The following CADM1 variants were observed in gnomAD, a reference collection of about 807,000 sequenced individuals.
The protein encoded by CADM1 is cell adhesion molecule 1, also known as TSLC-1.
CADM1 carries 15 observed loss-of-function variants against 53.1 expected under a neutral mutation model. The observed-to-expected ratio is 0.28, with a 90% confidence interval of 0.19 to 0.44. CADM1 has a LOEUF of 0.44. CADM1 is among the 20% of genes least tolerant of loss of function. The probability of loss-of-function intolerance (pLI) is 1.00; values close to 1 mark genes in which losing one functional copy is unlikely to be tolerated. For missense variants in CADM1, 434 were observed against 611.3 expected (o/e 0.71, Z 3.06); for synonymous variants, 281 against 243.0 (o/e 1.16, Z -1.45).
At chr11:115,191,314 C>T (rs1454232278) in intron 9 of CADM1, among the ~76,000 whole-genome samples, 2 of 152,248 alleles carry the variant, frequency 1.3e-5, no homozygotes, top group East Asian at 1.9e-4. Flanking sequence ...GATGTATGTA[C>T]ATTTTATTTC....
intron 1 of CADM1, among the ~76,000 whole-genome samples, chr11:115,297,640 C>T (rs1205154440): frequency 6.6e-6 from 1 of 152,198 alleles, no homozygotes; most frequent in Non-Finnish European, 1.5e-5. Context: ...AATATTTCAG[C>T]ATCCATTACT....
intron 1 of CADM1, among the ~76,000 whole-genome samples, chr11:115,382,309 CG>C (rs1292865029): frequency 6.6e-6 from 1 of 151,516 alleles, no homozygotes; most frequent in African/African-American, 2.4e-5. Context: ...TATAAAGATC[CG>C]GGGTAAGTCA....
At chr11:115,409,772 A>C (rs1361270286) in intron 1 of CADM1, among the ~76,000 whole-genome samples, 1 of 152,080 alleles carries the variant, frequency 6.6e-6, no homozygotes, top group Admixed American at 6.6e-5. Flanking sequence ...CTGCTCCCAG[A>C]TATATAGCAT....
intron 1 of CADM1, among the ~76,000 whole-genome samples, chr11:115,338,435 G>T (rs1207286458): frequency 6.6e-6 from 1 of 152,104 alleles, no homozygotes. Flanking sequence ...AAATTTTAGA[G>T]AAACTACCAT....
At chr11:115,256,829 T>C in intron 1 of CADM1, 1 of 456,110 alleles carries the variant, frequency 2.2e-6, no homozygotes, top group South Asian at 1.5e-5. Flanking sequence ...TAGCTGTTCT[T>C]ACCACTGGTA....
intron 10 of CADM1, chr11:115,190,489 G>T (rs1939793143): frequency 5.9e-6 from 1 of 169,418 alleles, no homozygotes; most frequent in Non-Finnish European, 1.3e-5. Flanking sequence ...GGCAGTCAAT[G>T]AGTTGCTTGT....
intron 1 of CADM1, among the ~76,000 whole-genome samples, chr11:115,502,791 CGTGTCTCCTGCGGT>C (rs1319282287): frequency 6.6e-6 from 1 of 152,158 alleles, no homozygotes; most frequent in Non-Finnish European, 1.5e-5. Context: ...TCTCCTACAG[CGTGTCTCCTGCGGT>C]GTTTACATAA....
intron 1 of CADM1, among the ~76,000 whole-genome samples, chr11:115,409,158 G>T (rs940537556): frequency 6.6e-6 from 1 of 152,138 alleles, no homozygotes; most frequent in Non-Finnish European, 1.5e-5. Context: ...TAAGAAAGAA[G>T]AAAGAGGCTT....
chr11:115,296,973 A>AT (rs1213235844), intron 1 of CADM1, among the ~76,000 whole-genome samples: 1 of 152,170 alleles, frequency 6.6e-6, no homozygotes, highest in Non-Finnish European at 1.5e-5. Flanking sequence ...TCTACTGCCA[A>AT]TTTTTTAAAA....
intron 3 of CADM1, among the ~76,000 whole-genome samples, chr11:115,232,513 A>T (rs1941856560): frequency 6.6e-6 from 1 of 152,258 alleles, no homozygotes; most frequent in Admixed American, 6.5e-5. Context: ...TTAAGTGCTT[A>T]TAAGTAGATT....
At chr11:115,313,477 G>A (rs1944582825) in intron 1 of CADM1, among the ~76,000 whole-genome samples, 1 of 152,012 alleles carries the variant, frequency 6.6e-6, no homozygotes, top group African/African-American at 2.4e-5. Context: ...ACCTAAAGGG[G>A]GGAAATTATC....
At chr11:115,425,139 T>C (rs1326470497) in intron 1 of CADM1, among the ~76,000 whole-genome samples, 1 of 152,210 alleles carries the variant, frequency 6.6e-6, no homozygotes, top group Non-Finnish European at 1.5e-5. Flanking sequence ...AATGGCTCCC[T>C]GAATGTTTTT....
In CADM1 at chr11:115,169,671, A is replaced by C. The variant is rs1336633689; in HGVS notation, c.*6803T>G. ...GAGAAAGAGAGAGAGATGGATAGTA[A>C]TTTCGTCACTAGCTAACAGAGACTG... On this transcript the variant is annotated 3_prime_UTR_variant, in exon 12 of 12. Coordinates refer to ENST00000331581, the MANE Select transcript of CADM1 (RefSeq NM_001301043.2). 1 of 455,822 alleles carries C rather than the reference A, an allele frequency of 2.2e-6. No individual in the cohort carries two copies. Among genetic ancestry groups the C allele is most frequent in the Non-Finnish European group, 4.4e-6 (1 of 226,734 alleles). The allele number at this position is 455,822 out of a possible 1,614,324, so 28.2% of individuals were successfully genotyped here.
At chr11:115,404,990 G>C (rs1417528741) in intron 1 of CADM1, among the ~76,000 whole-genome samples, 1 of 152,134 alleles carries the variant, frequency 6.6e-6, no homozygotes, top group Non-Finnish European at 1.5e-5. Context: ...GTGAAATGCA[G>C]ATTTTTGTTG....
chr11:115,227,575 C>T (rs951617862), intron 5 of CADM1, among the ~76,000 whole-genome samples: 6 of 152,178 alleles, frequency 3.9e-5, no homozygotes, highest in Non-Finnish European at 8.8e-5. Context: ...AACAAAGTCA[C>T]AAGAAATCTA....
intron 1 of CADM1, among the ~76,000 whole-genome samples, chr11:115,289,238 G>A (rs938383764): frequency 3.9e-5 from 6 of 152,128 alleles, no homozygotes; most frequent in South Asian, 2.1e-4. Context: ...GGTGGTGGGC[G>A]CCTGTAATCC....
chr11:115,396,876 G>T (rs1425510935), intron 1 of CADM1: 1 of 151,744 alleles, frequency 6.6e-6, no homozygotes, highest in African/African-American at 2.4e-5. Context: ...GTTTGCCCCA[G>T]TGTGAAAGTC....
At chr11:115,314,166 C>G (rs199663868) in intron 1 of CADM1, among the ~76,000 whole-genome samples, 4 of 152,144 alleles carry the variant, frequency 2.6e-5, no homozygotes, top group Admixed American at 6.6e-5. Context: ...CCACTATGCT[C>G]GTATTAGCAG....
intron 1 of CADM1, among the ~76,000 whole-genome samples, chr11:115,302,988 C>T (rs998511421): frequency 3.3e-5 from 5 of 152,198 alleles, no homozygotes; most frequent in East Asian, 3.9e-4. Flanking sequence ...ATTTCTGCTG[C>T]TAGACATGAA....
Sources: allele counts gnomAD v4.1 joint callset (sites outside exome capture counted in the v4.1 genomes callset), GRCh38; gene constraint gnomAD v4.1.1; transcripts MANE v1.5; gene names NCBI Gene and HGNC (gene_info 2026-07-23, HGNC 2026-07-21).